The following PSD3 variants were observed in gnomAD, a reference collection of about 807,000 sequenced individuals.
The protein encoded by PSD3 is pleckstrin and Sec7 domain containing 3.
PSD3 carries 49 observed loss-of-function variants against 105.5 expected under a neutral mutation model. The ratio of observed to expected loss-of-function variants is 0.46; its 90% CI spans 0.37 to 0.59. The LOEUF (loss-of-function observed/expected upper bound fraction) is 0.59, where lower values mean the gene tolerates loss of function less well. PSD3 is among the 20% of genes least tolerant of loss of function. The pLI, the probability that PSD3 is intolerant of heterozygous loss-of-function variation, is 0.00. For synonymous variants in PSD3, 557 were observed against 457.8 expected, an observed-to-expected ratio of 1.22 and a Z score of -2.77; for missense variants, 1,561 against 1,263.8, an observed-to-expected ratio of 1.24 and a Z score of -3.57.
intron 8 of PSD3, among the ~76,000 whole-genome samples, chr8:18,777,375 A>C (rs2129444948): frequency 6.6e-6 from 1 of 152,112 alleles, no homozygotes; most frequent in Non-Finnish European, 1.5e-5. Context: ...CCAACTTTTC[A>C]TTTCTGTTGA....
intron 1 of PSD3, among the ~76,000 whole-genome samples, chr8:18,937,807 G>A (rs933991152): frequency 1.3e-5 from 2 of 152,210 alleles, no homozygotes; most frequent in Non-Finnish European, 2.9e-5. Context: ...CACGTAAGGT[G>A]CCCTAATTTG....
intron 1 of PSD3, among the ~76,000 whole-genome samples, chr8:18,942,280 T>C (rs900339619): frequency 6.6e-6 from 1 of 152,106 alleles, no homozygotes; most frequent in African/African-American, 2.4e-5. Context: ...AAAATAATAT[T>C]TCATGACTCA....
At chr8:18,956,449 T>A (rs1823580642) in intron 1 of PSD3, among the ~76,000 whole-genome samples, 1 of 152,206 alleles carries the variant, frequency 6.6e-6, no homozygotes, top group Admixed American at 6.5e-5. Context: ...ATGATTACAC[T>A]GGAGAGGCAG....
intron 2 of PSD3, among the ~76,000 whole-genome samples, chr8:18,885,546 T>G (rs531226554): frequency 6.6e-5 from 10 of 152,348 alleles, no homozygotes; most frequent in African/African-American, 2.4e-4. Flanking sequence ...AGCTGTGGAC[T>G]TCTTTAAACT....
At chr8:18,949,743 A>G (rs1823122591) in intron 1 of PSD3, among the ~76,000 whole-genome samples, 1 of 151,218 alleles carries the variant, frequency 6.6e-6, no homozygotes, top group Non-Finnish European at 1.5e-5. Context: ...TCTACAAAAC[A>G]CATGTCTGTA....
Position 18,955,433 on chromosome 8 carries a change from G to A in PSD3, c.22-19291C>T, listed in dbSNP as rs541846867. 2.6e-5 allele frequency among the ~76,000 whole-genome samples: 4 copies of A among 152,230 alleles called. No individual in the cohort carries two copies. In the East Asian group the frequency reaches 7.7e-4, roughly 29 times the overall value. On this transcript the variant is annotated intron_variant, in intron 1 of 15. Transcript: ENST00000327040. The stretch of plus-strand genomic sequence containing the variant: ...CTATTTTAATAATATAATTGTTAAT[G>A]TTGATATATTTTCATTTTGGTTACA...
At chr8:18,713,866 C>T (rs1802405534) in intron 9 of PSD3, among the ~76,000 whole-genome samples, 1 of 152,156 alleles carries the variant, frequency 6.6e-6, no homozygotes, top group Non-Finnish European at 1.5e-5. Flanking sequence ...AATCCCACTA[C>T]CTGAATTCAA....
At chr8:18,925,302 G>C (rs976385793) in intron 2 of PSD3, among the ~76,000 whole-genome samples, 2 of 151,994 alleles carry the variant, frequency 1.3e-5, no homozygotes, top group Non-Finnish European at 2.9e-5. Flanking sequence ...GGCTGAGGTG[G>C]GAGGCTCACT....
chr8:18,587,354 T>C (rs1803270245), intron 12 of PSD3, among the ~76,000 whole-genome samples: 2 of 152,164 alleles, frequency 1.3e-5, no homozygotes, highest in Admixed American at 1.3e-4. Context: ...CTTTCGTAAA[T>C]GGGACACTTT....
chr8:18,992,219 G>A (rs543776514), intron 1 of PSD3, among the ~76,000 whole-genome samples: 1 of 152,040 alleles, frequency 6.6e-6, no homozygotes, highest in Admixed American at 6.5e-5. Flanking sequence ...TGTGTGCTGA[G>A]ATCAAAAGGT....
At chr8:18,868,355 A>T (rs1237618055) in intron 3 of PSD3, among the ~76,000 whole-genome samples, 1 of 152,204 alleles carries the variant, frequency 6.6e-6, no homozygotes, top group African/African-American at 2.4e-5. Context: ...TTCAATTCTC[A>T]TTTTAGCCAA....
intron 11 of PSD3, among the ~76,000 whole-genome samples, chr8:18,609,695 T>G (rs190005633): frequency 1.3e-5 from 2 of 152,126 alleles, no homozygotes; most frequent in Admixed American, 1.3e-4. Context: ...CAGGGAGGAG[T>G]CTGCTTTCTG....
At chr8:18,554,626 T>C (rs1289124295) in intron 15 of PSD3, among the ~76,000 whole-genome samples, 1 of 152,216 alleles carries the variant, frequency 6.6e-6, no homozygotes, top group Non-Finnish European at 1.5e-5. Flanking sequence ...TTAAGGCTTC[T>C]ATGAAATTGT....
At chr8:18,623,198 G>A (rs1368082031) in intron 11 of PSD3, among the ~76,000 whole-genome samples, 1 of 150,682 alleles carries the variant, frequency 6.6e-6, no homozygotes. Flanking sequence ...GTTTTCTGTC[G>A]CTACGGATTT....
At chr8:19,023,992 G>A (rs1476555268) in intron 1 of PSD3, among the ~76,000 whole-genome samples, 1 of 152,106 alleles carries the variant, frequency 6.6e-6, no homozygotes, top group East Asian at 1.9e-4. Flanking sequence ...TAAGTACATA[G>A]CTGCAGCTGC....
rs1411142986 is a variant in PSD3 at position 18,527,539 on chromosome 8, A to G, written c.*8204T>C. ...ACTCTATATATCACAGCTTCTATAC[A>G]TATCAGATGACTCACTTGTCTACAA... On this transcript the variant is annotated 3_prime_UTR_variant, in exon 16 of 16. Transcript: ENST00000327040. 2.0e-5 allele frequency: 3 copies of G among 152,644 alleles called. No homozygotes were observed. The highest frequency in any genetic ancestry group is 4.4e-5 in the Non-Finnish European group (3 of 68,036). 9.5% of individuals were successfully genotyped at this position (152,644 alleles called of 1,614,324 possible).
At chr8:19,051,480 C>CA (rs1429651166) in intron 1 of PSD3, among the ~76,000 whole-genome samples, 1 of 152,210 alleles carries the variant, frequency 6.6e-6, no homozygotes, top group Admixed American at 6.5e-5. Context: ...ATAGTGCTGG[C>CA]ACATACTAGG....
intron 2 of PSD3, among the ~76,000 whole-genome samples, chr8:18,880,189 G>C (rs1179964045): frequency 6.6e-6 from 1 of 152,084 alleles, no homozygotes; most frequent in African/African-American, 2.4e-5. Flanking sequence ...TATATGCTAA[G>C]ATAATTATTT....
At chr8:18,991,291 AAGGTGATGT>A (rs1825775933) in intron 1 of PSD3, among the ~76,000 whole-genome samples, 1 of 152,038 alleles carries the variant, frequency 6.6e-6, no homozygotes, top group African/African-American at 2.4e-5. Context: ...ACAGAGTCAT[AAGGTGATGT>A]GTTTACTCTC....
Sources: allele counts gnomAD v4.1 joint callset (sites outside exome capture counted in the v4.1 genomes callset), GRCh38; gene constraint gnomAD v4.1.1; transcripts MANE v1.5; gene names NCBI Gene and HGNC (gene_info 2026-07-23, HGNC 2026-07-21).